Variants in UNC5B observed in about 807,000 individuals in gnomAD.
UNC5B encodes unc-5 netrin receptor B.
UNC5B carries 56 observed loss-of-function variants against 103.7 expected under a neutral mutation model. That is an observed-to-expected ratio of 0.54 (90% confidence interval 0.44 to 0.67). The LOEUF (loss-of-function observed/expected upper bound fraction) is 0.67, where lower values mean the gene tolerates loss of function less well. Among genes scored for constraint, UNC5B ranks in the 30% least tolerant of loss-of-function variants. The pLI, the probability that UNC5B is intolerant of heterozygous loss-of-function variation, is 0.00. For synonymous variants in UNC5B, 577 were observed against 542.0 expected (o/e 1.06, Z -0.90); for missense variants, 1,194 against 1,284.5 (o/e 0.93, Z 1.08).
chr10:71,279,002 T>G (rs1844844853), intron 1 of UNC5B, among the ~76,000 whole-genome samples: 1 of 152,242 alleles, frequency 6.6e-6, no homozygotes, highest in Admixed American at 6.5e-5. Context: ...GAGGTGCAGT[T>G]CTTTCCAGGG....
At chr10:71,215,414 G>A (rs1369462196) in intron 1 of UNC5B, among the ~76,000 whole-genome samples, 1 of 152,146 alleles carries the variant, frequency 6.6e-6, no homozygotes, top group Non-Finnish European at 1.5e-5. Flanking sequence ...ATCTTTACTG[G>A]GGGTGTCCAA....
intron 1 of UNC5B, among the ~76,000 whole-genome samples, chr10:71,277,197 C>T (rs1051945569): frequency 1.3e-5 from 2 of 152,248 alleles, no homozygotes; most frequent in Admixed American, 1.3e-4. Context: ...GCGGCTGTCA[C>T]CCCGGGGCTG....
rs1845560564 is a variant in UNC5B, at chr10:71,300,396, G to A, written c.*1119G>A. 1 of 152,378 alleles carries A rather than the reference G, an allele frequency of 6.6e-6. No individual in the cohort carries two copies. Among genetic ancestry groups the A allele is most frequent in the African/African-American group, 2.4e-5 (1 of 41,468 alleles). 9.4% of individuals were successfully genotyped at this position (152,378 alleles called of 1,614,324 possible). A position where few individuals can be genotyped will look rare whatever the true frequency, so the allele number is the denominator to read the frequency against. On this transcript the variant is annotated 3_prime_UTR_variant, in exon 17 of 17. Transcript: ENST00000335350. Reference sequence around the variant, plus strand: ...GACTGCTCAGGCCAGTTGTGAGCCAGGGAGAATGTTCCAGTCTGGTTTTGG... The same window carrying A: ...GACTGCTCAGGCCAGTTGTGAGCCAAGGAGAATGTTCCAGTCTGGTTTTGG...
intron 1 of UNC5B, among the ~76,000 whole-genome samples, chr10:71,274,466 G>A (rs1013587261): frequency 3.9e-5 from 6 of 152,220 alleles, no homozygotes; most frequent in Admixed American, 6.5e-5. Context: ...AGGTCTGTCC[G>A]AAGAAGAACC....
Position 71,301,745 on chromosome 10 carries a change from A to G in UNC5B, c.*2468A>G, listed in dbSNP as rs11549858. On this transcript the variant is annotated 3_prime_UTR_variant, in exon 17 of 17. Transcript: ENST00000335350. ...ATTAAACTGCTGTGCGACTTCAGGC[A>G]TATCACTGCCTTCTCTGGGCTTCAG... The G allele has an allele frequency of 0.097, 14,734 of 152,264 alleles. 875 individuals carry two copies. Among genetic ancestry groups the G allele is most frequent in the East Asian group, 0.21 (1,078 of 5,168 alleles). The allele number at this position is 152,264 out of a possible 1,614,324, so 9.4% of individuals were successfully genotyped here.
chr10:71,260,752 G>A (rs948171799), intron 1 of UNC5B, among the ~76,000 whole-genome samples: 1 of 152,228 alleles, frequency 6.6e-6, no homozygotes, highest in Admixed American at 6.5e-5. Flanking sequence ...GCCAGAAGAC[G>A]GGAGGAGGAG....
chr10:71,297,944 C>T lies in UNC5B; in HGVS notation c.2526C>T (p.Ala842=), dbSNP rs770747642. The T allele has an allele frequency of 2.2e-5, 36 of 1,613,730 alleles. No individual in the cohort carries two copies. The highest frequency in any genetic ancestry group is 5.9e-6 in the Non-Finnish European group (7 of 1,179,906). The change falls in exon 16 of 17, where the codon GCC becomes GCT. Residue 842 remains alanine, a synonymous_variant. Transcript: ENST00000335350. ...PAGSLDTLCS[A]PGSTVTTQLG... The stretch of plus-strand genomic sequence containing the variant: ...GCTCCCTGGACACTCTCTGCTCTGC[C>T]CCTGGCAGCACTGTCACCACCCAGC...
At chr10:71,243,987 T>TTA (rs1329800974) in intron 1 of UNC5B, among the ~76,000 whole-genome samples, 1 of 152,200 alleles carries the variant, frequency 6.6e-6, no homozygotes, top group Non-Finnish European at 1.5e-5. Flanking sequence ...AGCTGGTGTG[T>TTA]GGTAGTGCCA....
intron 1 of UNC5B, among the ~76,000 whole-genome samples, chr10:71,244,061 C>T (rs991146498): frequency 2.6e-5 from 4 of 152,248 alleles, no homozygotes; most frequent in South Asian, 2.1e-4. Flanking sequence ...CAGGTCTCTC[C>T]ATTTATTTAG....
chr10:71,227,621 CATATATACATATATATACACATATACAT>C (rs956278283), intron 1 of UNC5B, among the ~76,000 whole-genome samples: 3 of 136,940 alleles, frequency 2.2e-5, no homozygotes, highest in Non-Finnish European at 4.6e-5. Flanking sequence ...CATATATATA[CATATATACATATATATACACATATACAT>C]ATATATACAT....
intron 1 of UNC5B, among the ~76,000 whole-genome samples, chr10:71,215,812 T>C (rs1208472614): frequency 3.3e-5 from 1 of 30,714 alleles, no homozygotes; most frequent in Non-Finnish European, 8.6e-5. Flanking sequence ...GCTTGGTGTG[T>C]GTGTGTGTGT....
At chr10:71,257,429 C>A (rs1051121856) in intron 1 of UNC5B, among the ~76,000 whole-genome samples, 1 of 152,234 alleles carries the variant, frequency 6.6e-6, no homozygotes, top group Non-Finnish European at 1.5e-5. Context: ...TTGCCCCCTT[C>A]CCCCTCCAGG....
At chr10:71,291,919 C>T in intron 10 of UNC5B, 98 bp downstream of exon 10, 1 of 1,446,428 alleles carries the variant, frequency 6.9e-7, no homozygotes, top group Non-Finnish European at 9.1e-7. Flanking sequence ...TGCCCTAATC[C>T]CATCTCACAG....
At chr10:71,283,901 G>A (rs59520425) in intron 2 of UNC5B, among the ~76,000 whole-genome samples, 2 of 152,190 alleles carry the variant, frequency 1.3e-5, no homozygotes, top group Admixed American at 1.3e-4. Flanking sequence ...ACCAGGGAGA[G>A]CAGGCATCCC....
Position 71,213,892 on chromosome 10 carries a change from A to T in UNC5B, c.79+828A>T, listed in dbSNP as rs1843282934. Among the ~76,000 whole-genome samples, 1 of 151,776 alleles carries T rather than the reference A, an allele frequency of 6.6e-6. No individual in the cohort carries two copies. Among genetic ancestry groups the T allele is most frequent in the Admixed American group, 6.6e-5 (1 of 15,246 alleles). On this transcript the variant is annotated intron_variant, in intron 1 of 16. Transcript: ENST00000335350. This position sits in a 1 kb window ranked among gnomAD's most constrained non-coding sequence, Gnocchi z 4.1. ...CAGCGCCCGCTCTGGACCCACCAAG[A>T]TGACTTCAGCGAACTGGTGGGCTCC...
chr10:71,298,115 T>C, intron 16 of UNC5B, 25 bp downstream of exon 16: 1 of 1,570,898 alleles, frequency 6.4e-7, no homozygotes, highest in African/African-American at 1.4e-5. Flanking sequence ...CCACAGCCCA[T>C]CCCCATCTGC....
intron 1 of UNC5B, among the ~76,000 whole-genome samples, chr10:71,272,133 C>A (rs1487369984): frequency 1.3e-5 from 2 of 152,196 alleles, no homozygotes; most frequent in Non-Finnish European, 2.9e-5. Context: ...CCCCACTGAG[C>A]ACATCAGCCA....
chr10:71,286,726 C>G lies in UNC5B; in HGVS notation c.590C>G (p.Thr197Ser). Residue 197 changes from threonine to serine, a missense_variant, in exon 5 of 17, where the codon ACC (threonine) becomes AGC (serine). Transcript: ENST00000335350. ...AAGAATGAGGATGTCATCGACCCCA[C>G]CCAGGACACCAACTTCCTGCTCACC... Reference protein sequence around the residue: ...WLKNEDVIDPTQDTNFLLTID... With the variant: ...WLKNEDVIDPSQDTNFLLTID... 3 of 1,614,224 alleles carry G rather than the reference C, an allele frequency of 1.9e-6. No individual in the cohort carries two copies. Among genetic ancestry groups the G allele is most frequent in the Non-Finnish European group, 2.5e-6 (3 of 1,180,032 alleles).
At chr10:71,268,158 C>A (rs1686913508) in intron 1 of UNC5B, among the ~76,000 whole-genome samples, 1 of 152,244 alleles carries the variant, frequency 6.6e-6, no homozygotes, top group Non-Finnish European at 1.5e-5. Context: ...GAAACCCCTA[C>A]CCAGTTCCAA....
Sources: allele counts gnomAD v4.1 joint callset (sites outside exome capture counted in the v4.1 genomes callset), GRCh38; gene constraint gnomAD v4.1.1; non-coding constraint Gnocchi (gnomAD v3.1); transcripts MANE v1.5; gene names NCBI Gene and HGNC (gene_info 2026-07-23, HGNC 2026-07-21).